The following C6orf118 variants were observed in gnomAD, a reference collection of about 807,000 sequenced individuals.
The protein encoded by C6orf118 is chromosome 6 open reading frame 118, also known as uncharacterized protein C6orf118.
C6orf118 carries 50 observed loss-of-function variants against 50.2 expected under a neutral mutation model. The ratio of observed to expected loss-of-function variants is 1.00; its 90% confidence interval spans 0.79 to 1.26. The LOEUF (loss-of-function observed/expected upper bound fraction) is 1.26. Ranked by LOEUF, C6orf118 falls within the 50% of genes most tolerant of loss-of-function variation. C6orf118 has a pLI of 0.00. For synonymous variants in C6orf118, 239 were observed against 230.9 expected (o/e 1.03, Z -0.32); for missense variants, 641 against 578.7 (o/e 1.11, Z -1.10).
chr6:165,281,093 C>A (rs928913198), intron 8 of C6orf118, among the ~76,000 whole-genome samples: 1 of 152,086 alleles, frequency 6.6e-6, no homozygotes, highest in African/African-American at 2.4e-5. Context: ...TGATATAAAT[C>A]AGCTACTTAC....
At chr6:165,287,632 C>A (rs576054384) in intron 7 of C6orf118, among the ~76,000 whole-genome samples, 1 of 151,996 alleles carries the variant, frequency 6.6e-6, no homozygotes, top group Non-Finnish European at 1.5e-5. Context: ...TAAGACTGCA[C>A]GCCTACAACC....
chr6:165,297,327 C>T (rs973504028), intron 5 of C6orf118, among the ~76,000 whole-genome samples: 3 of 151,178 alleles, frequency 2.0e-5, no homozygotes, highest in Non-Finnish European at 4.4e-5. Context: ...AGGCTTGAAC[C>T]CGGGAGATGG....
chr6:165,295,407 TTTC>T (rs1235793899), intron 5 of C6orf118, among the ~76,000 whole-genome samples: 2 of 152,206 alleles, frequency 1.3e-5, no homozygotes, highest in African/African-American at 4.8e-5. Flanking sequence ...GTGCTACAGT[TTTC>T]TTCTTGTTCA....
chr6:165,288,468 T>C (rs1198910914), intron 7 of C6orf118, among the ~76,000 whole-genome samples: 1 of 152,188 alleles, frequency 6.6e-6, no homozygotes, highest in Non-Finnish European at 1.5e-5. Context: ...CATTCTATTA[T>C]AAAGATACAT....
chr6:165,307,790 G>C (rs939808414), intron 1 of C6orf118, among the ~76,000 whole-genome samples: 3 of 152,170 alleles, frequency 2.0e-5, no homozygotes, highest in African/African-American at 7.2e-5. Context: ...CTCTCTGCTG[G>C]AGGAGAGCGG....
In C6orf118 at chr6:165,280,054, GC is replaced by G; in HGVS notation, c.*2del. 1 of 1,604,100 alleles carries G rather than the reference GC, an allele frequency of 6.2e-7. No individual in the cohort carries two copies. Among genetic ancestry groups the G allele is most frequent in the Non-Finnish European group, 8.5e-7 (1 of 1,177,626 alleles). On this transcript the variant is annotated 3_prime_UTR_variant, in exon 9 of 9. Coordinates refer to ENST00000230301, the MANE Select transcript of C6orf118 (RefSeq NM_144980.4). Reference sequence around the variant, plus strand: ...ACTGGCCATTTGTTCAGCCACTTGAGCGTTATCTTCTGTTTCCTCTGATTTT... The same window carrying G: ...ACTGGCCATTTGTTCAGCCACTTGAGGTTATCTTCTGTTTCCTCTGATTTT...
chr6:165,280,236 A>G (rs1779681622), intron 8 of C6orf118, 126 bp from the exon 9 acceptor site: 5 of 659,710 alleles, frequency 7.6e-6, no homozygotes, highest in Non-Finnish European at 1.3e-5. Flanking sequence ...AGACTTTGTA[A>G]TCATTTACTT....
At chr6:165,281,009 AAAGT>A (rs1176995067) in intron 8 of C6orf118, among the ~76,000 whole-genome samples, 1 of 152,246 alleles carries the variant, frequency 6.6e-6, no homozygotes, top group African/African-American at 2.4e-5. Context: ...AACTCAAAGA[AAAGT>A]AACTGTGCGA....
chr6:165,302,221 C>A lies in C6orf118; in HGVS notation c.101G>T (p.Gly34Val), dbSNP rs2128164010. ...LCNLKHCETP[G>V]VKTLCNLKKL... ...CTTCAGATTACACAGGGTCTTCACT[C>A]CTGGCGTCTCGCAGTGCTTCAGATT... Residue 34 changes from glycine to valine, a missense_variant, in exon 2 of 9, where the codon GGA becomes GTA. Coordinates refer to ENST00000230301, the MANE Select transcript of C6orf118 (RefSeq NM_144980.4). 1 of 1,610,260 alleles carries A rather than the reference C, an allele frequency of 6.2e-7. No individual in the cohort carries two copies. Among genetic ancestry groups the A allele is most frequent in the Middle Eastern group, 1.7e-4 (1 of 6,052 alleles).
At chr6:165,300,008 C>G (rs1188972843) in intron 3 of C6orf118, among the ~76,000 whole-genome samples, 3 of 152,154 alleles carry the variant, frequency 2.0e-5, no homozygotes, top group South Asian at 2.1e-4. Flanking sequence ...GAAATTGCAA[C>G]AAACCTATAA....
At chr6:165,293,875 T>C (rs1190330747) in intron 5 of C6orf118, among the ~76,000 whole-genome samples, 3 of 152,182 alleles carry the variant, frequency 2.0e-5, no homozygotes, top group Non-Finnish European at 4.4e-5. Context: ...GATGCTGAAA[T>C]ACACGGCATC....
At chr6:165,307,838 T>C (rs535908119) in intron 1 of C6orf118, among the ~76,000 whole-genome samples, 1 of 152,280 alleles carries the variant, frequency 6.6e-6, no homozygotes, top group Admixed American at 6.5e-5. Flanking sequence ...GGGTCTGTCC[T>C]CGAGTCCTGG....
At position 165,280,004 on chromosome 6, in the gene C6orf118, A is replaced by G. The variant is rs144098885; in HGVS notation, c.*53T>C. The G allele has an allele frequency of 1.7e-4, 266 of 1,531,916 alleles. 3 individuals carry two copies. In the East Asian group the frequency reaches 4.9e-3, roughly 28 times the overall value. 94.9% of individuals were successfully genotyped at this position (1,531,916 alleles called of 1,614,324 possible). A position where few individuals can be genotyped will look rare whatever the true frequency, so the allele number is the denominator to read the frequency against. On this transcript the variant is annotated 3_prime_UTR_variant, in exon 9 of 9. Transcript: ENST00000230301. Reference sequence around the variant, plus strand: ...ATATGCATCTGCAAATATCCATGCTACATACATGGAAGTTAAGAATTTCCA... The same window carrying G: ...ATATGCATCTGCAAATATCCATGCTGCATACATGGAAGTTAAGAATTTCCA...
Position 165,279,938 on chromosome 6 carries a change from G to C in C6orf118, c.*119C>G. On this transcript the variant is annotated 3_prime_UTR_variant, in exon 9 of 9. Coordinates refer to ENST00000230301, the MANE Select transcript of C6orf118 (RefSeq NM_144980.4). ...TACATATACCACATTAATTTTACTA[G>C]AGATTAAAGCTGATGAAATGAAATG... 9.9e-7 allele frequency: 1 copy of C among 1,012,206 alleles called. No individual in the cohort carries two copies. Among genetic ancestry groups the C allele is most frequent in the Non-Finnish European group, 1.4e-6 (1 of 702,914 alleles). 62.7% of individuals were successfully genotyped at this position (1,012,206 alleles called of 1,614,324 possible).
In C6orf118 at chr6:165,301,915, G is replaced by T. The variant is rs776359475; in HGVS notation, c.407C>A (p.Ala136Asp). The T allele has an allele frequency of 1.2e-6, 2 of 1,613,778 alleles. No individual in the cohort carries two copies. The highest frequency in any genetic ancestry group is 1.3e-5 in the African/African-American group (1 of 75,000). Residue 136 changes from alanine (A) to aspartate (D), a missense_variant, in exon 2 of 9, where the codon GCC becomes GAC. By Grantham distance (126) the Ala-to-Asp change is moderately radical. Coordinates refer to ENST00000230301, the MANE Select transcript of C6orf118 (RefSeq NM_144980.4). ...CTCCTCTGAAGTGTGGGAAAGAGAG[G>T]CCTGGGGGTTCAGGTACCTGAACAG... Reference protein sequence around the residue: ...TPLFRYLNPQASLSHTSEEDF... With the variant: ...TPLFRYLNPQDSLSHTSEEDF...
intron 1 of C6orf118, among the ~76,000 whole-genome samples, chr6:165,306,818 C>G (rs571191567): frequency 1.3e-5 from 2 of 152,304 alleles, no homozygotes; most frequent in East Asian, 3.9e-4. Context: ...CTGCTCCAGA[C>G]AGAAGTTTCC....
intron 4 of C6orf118, among the ~76,000 whole-genome samples, chr6:165,298,398 TA>T: frequency 6.6e-6 from 1 of 152,248 alleles, no homozygotes; most frequent in South Asian, 2.1e-4. Flanking sequence ...ACATACTGGA[TA>T]AAGTCCTGGA....
In C6orf118 at chr6:165,297,979, A is replaced by G; in HGVS notation, c.1059T>C (p.Asp353=). ...CAGATCCGTCCCTCATGCCTCACCT[A>G]TCATTCTGCTCCAGGGCTGCTTTTG... The part of the protein sequence containing the change: ...TATKAALEQN[D]RLRSELEMEV... Residue 353 remains aspartate, a splice_region_variant and synonymous_variant, in exon 5 of 9, where the codon GAT becomes GAC. Transcript: ENST00000230301. 1 of 1,613,912 alleles carries G rather than the reference A, an allele frequency of 6.2e-7. No homozygotes were observed.
At position 165,289,909 on chromosome 6, in the gene C6orf118, C is replaced by T. The variant is rs1562325533; in HGVS notation, c.1279G>A (p.Glu427Lys). ...LVHTGISDIT[E>K]NRIKSIEHEA... is the part of the protein sequence containing the mutation. ...ACCTCTATGCTTTTAATCCTATTCTCAGTGATATCTGAAATTCCAGTATGA... is the reference window on the plus strand; with the variant it reads ...ACCTCTATGCTTTTAATCCTATTCTTAGTGATATCTGAAATTCCAGTATGA... Residue 427 changes from glutamate to lysine, a missense_variant, in exon 7 of 9, where the codon GAG (glutamate) becomes AAG (lysine). Transcript: ENST00000230301. 2 of 1,604,148 alleles carry T rather than the reference C, an allele frequency of 1.2e-6. No homozygotes were observed. The highest frequency in any genetic ancestry group is 1.7e-5 in the Admixed American group (1 of 57,944).
Sources: gnomAD v4.1 joint callset for allele counts (sites outside exome capture counted in the v4.1 genomes callset) on GRCh38, gnomAD v4.1.1 for gene constraint, MANE v1.5 for transcripts, NCBI Gene and HGNC (gene_info 2026-07-23, HGNC 2026-07-21) for gene names.